Variants in PIN4 observed in about 807,000 individuals in gnomAD.
PIN4 encodes the protein peptidylprolyl cis/trans isomerase, NIMA-interacting 4, also known as peptidyl-prolyl cis-trans isomerase NIMA-interacting 4.
PIN4 carries 3 observed loss-of-function variants against 8.3 expected under a neutral mutation model. That is an observed-to-expected ratio of 0.36 (90% confidence interval 0.16 to 0.93). The LOEUF (loss-of-function observed/expected upper bound fraction) is 0.93. Ranked by LOEUF, PIN4 falls within the 40% of genes least tolerant of loss-of-function variation. The pLI is 0.44. For synonymous variants in PIN4, 18 were observed against 32.5 expected (o/e 0.55, Z 1.52); for missense variants, 75 against 100.6 (o/e 0.75, Z 1.09).
rs749613902 is a variant in PIN4, at chrX:72,205,418, TGTC to T, written c.312+8518_312+8520del. 4.9e-5 allele frequency: 59 copies of T among 1,210,652 alleles called. No homozygotes were observed. In the African/African-American group the frequency reaches 8.2e-4, roughly 17 times the overall value. ...TCTTCAGGACCCTTTGCTTCACTGC[TGTC>T]GTCAAGTCTTTCCTCCATGTCCTCC... On this transcript the variant is annotated intron_variant, in intron 3 of 3. Transcript: ENST00000423432.
chrX:72,239,337 A>T (rs2043038116), intron 3 of PIN4, among the ~76,000 whole-genome samples: 1 of 111,986 alleles, frequency 8.9e-6, no homozygotes, highest in African/African-American at 3.2e-5. Context: ...ACCCCTGGAG[A>T]TCTCCAACGC....
chrX:72,257,307 C>T (rs1165035927), intron 3 of PIN4, among the ~76,000 whole-genome samples: 4 of 110,224 alleles, frequency 3.6e-5, no homozygotes, highest in Admixed American at 2.9e-4. Context: ...AGTGACAGAG[C>T]GAGATTCTGT....
chrX:72,248,466 G>A (rs1047786239), intron 3 of PIN4, among the ~76,000 whole-genome samples: 2 of 111,404 alleles, frequency 1.8e-5, no homozygotes, highest in Non-Finnish European at 3.8e-5. Context: ...GAGTGTAAGA[G>A]AACAGTTCAG....
chrX:72,228,848 C>T (rs1360885641), intron 3 of PIN4, among the ~76,000 whole-genome samples: 1 of 111,407 alleles, frequency 9.0e-6, no homozygotes, highest in East Asian at 2.8e-4. Flanking sequence ...CACAATCCCT[C>T]TTGCTGCGAA....
At chrX:72,187,897 C>T (rs888579904) in intron 2 of PIN4, among the ~76,000 whole-genome samples, 1 of 112,458 alleles carries the variant, frequency 8.9e-6, no homozygotes, top group Admixed American at 9.4e-5. Flanking sequence ...GTATGATAAG[C>T]ATAGCAGTGG....
intron 3 of PIN4, among the ~76,000 whole-genome samples, chrX:72,224,668 C>T: frequency 9.0e-6 from 1 of 111,313 alleles, no homozygotes; most frequent in Non-Finnish European, 1.9e-5. Flanking sequence ...TTGCTTGAAT[C>T]CGGGAGGTGG....
In PIN4 at chrX:72,224,537, G is replaced by C. The variant is rs774064831; in HGVS notation, c.312+27633G>C. 4.5e-5 allele frequency among the ~76,000 whole-genome samples: 5 copies of C among 111,618 alleles called. No individual in the cohort carries two copies. In the South Asian group the frequency reaches 1.9e-3, roughly 42 times the overall value. ...CGAGGCAGGCGGATCACCTGAGTTT[G>C]GGAGCTTGAGACCAGCCTGACCAAC... On this transcript the variant is annotated intron_variant, in intron 3 of 3. Coordinates refer to the PIN4 transcript ENST00000423432.
intron 3 of PIN4, among the ~76,000 whole-genome samples, chrX:72,243,201 G>T (rs1275613909): frequency 9.1e-6 from 1 of 110,257 alleles, no homozygotes; most frequent in Non-Finnish European, 1.9e-5. Context: ...TGTAATCTCA[G>T]CTACTCGAGA....
intron 3 of PIN4, among the ~76,000 whole-genome samples, chrX:72,235,281 A>T (rs963758369): frequency 1.8e-5 from 2 of 110,220 alleles, no homozygotes; most frequent in African/African-American, 6.6e-5. Flanking sequence ...GAGGCCATAC[A>T]CATTCCTTGG....
intron 3 of PIN4, among the ~76,000 whole-genome samples, chrX:72,229,488 T>G (rs2042971326): frequency 8.9e-6 from 1 of 111,969 alleles, no homozygotes; most frequent in African/African-American, 3.2e-5. Context: ...CTCCCTGGCC[T>G]CCTCCTTGTC....
At chrX:72,210,064 G>C (rs376120163) in intron 3 of PIN4, among the ~76,000 whole-genome samples, 18 of 108,930 alleles carry the variant, frequency 1.7e-4, no homozygotes, top group African/African-American at 5.7e-4. Context: ...GCAACCAGAG[G>C]GGGGGAAGAG....
downstream of PIN4, among the ~76,000 whole-genome samples, chrX:72,201,724 A>G (rs2042790835): frequency 8.8e-6 from 1 of 113,064 alleles, no homozygotes; most frequent in African/African-American, 3.2e-5. Flanking sequence ...AGATATCTGC[A>G]ATAACCCCAA....
chrX:72,244,355 C>T (rs185341070), intron 3 of PIN4, among the ~76,000 whole-genome samples: 406 of 111,544 alleles, frequency 3.6e-3, no homozygotes, highest in Non-Finnish European at 5.6e-3. Context: ...GATCTAAGAG[C>T]TGAAGGGTAG....
In PIN4 at chrX:72,233,717, G is replaced by A. The variant is rs1414844714; in HGVS notation, c.313-28990G>A. On this transcript the variant is annotated intron_variant, in intron 3 of 3. Transcript: ENST00000423432. The stretch of plus-strand genomic sequence containing the variant: ...AGCCCGGATGACACTGCAAGACTCC[G>A]TCTCAAAAAAAAAAAATTTGAATAT... 4.5e-5 allele frequency among the ~76,000 whole-genome samples: 3 copies of A among 66,963 alleles called. No homozygotes were observed. The Admixed American group carries it at 4.9e-4, about 11-fold the overall frequency. 58.1% of individuals were successfully genotyped at this position (66,963 alleles called of 115,157 possible).
At chrX:72,181,915 G>C (rs749415318) in intron 1 of PIN4, 87 bp downstream of exon 1, 6 of 583,496 alleles carry the variant, frequency 1.0e-5, no homozygotes, top group Non-Finnish European at 1.8e-5. Flanking sequence ...AGTCCGGGAC[G>C]GACGCAGCAG....
At chrX:72,235,373 C>T (rs1006438415) in intron 3 of PIN4, among the ~76,000 whole-genome samples, 1 of 103,629 alleles carries the variant, frequency 9.6e-6, no homozygotes, top group Non-Finnish European at 1.9e-5. Flanking sequence ...ACCTCCTCTT[C>T]TGCCTCCCTC....
Position 72,210,863 on chromosome X carries a change from G to T in PIN4, c.312+13959G>T, listed in dbSNP as rs192396396. ...GCTGTGAGCCAAGCTGCCTTCCCCA[G>T]TCCCTGGTCCACCCTAGTTAGCAGG... On this transcript the variant is annotated intron_variant, in intron 3 of 3. Coordinates refer to the PIN4 transcript ENST00000423432. Among the ~76,000 whole-genome samples, 400 of 111,826 alleles carry T rather than the reference G, an allele frequency of 3.6e-3. 2 individuals carry two copies. The highest frequency in any genetic ancestry group is 0.013 in the African/African-American group (386 of 30,793).
intron 3 of PIN4, among the ~76,000 whole-genome samples, chrX:72,236,752 A>G (rs775496421): frequency 8.9e-6 from 1 of 112,120 alleles, no homozygotes; most frequent in South Asian, 3.7e-4. Context: ...ACACTGGTTC[A>G]TTCAATATCA....
At chrX:72,239,301 C>T (rs977968765) in intron 3 of PIN4, among the ~76,000 whole-genome samples, 1 of 112,590 alleles carries the variant, frequency 8.9e-6, no homozygotes, top group Non-Finnish European at 1.9e-5. Context: ...AGGAGACTGC[C>T]CGATATGATC....
Sources: gnomAD v4.1 joint callset for allele counts (sites outside exome capture counted in the v4.1 genomes callset) on GRCh38, gnomAD v4.1.1 for gene constraint, MANE v1.5 for transcripts, NCBI Gene and HGNC (gene_info 2026-07-23, HGNC 2026-07-21) for gene names.